ARB2A: variants seen among roughly 807,000 people sequenced by gnomAD.
ARB2A encodes ARB2 cotranscriptional regulator A, also known as cotranscriptional regulator ARB2A.
At chr5:94,080,936 C>CA in the ARB2A span, among the ~76,000 whole-genome samples, 2 of 151,082 alleles carry the variant, frequency 1.3e-5, no homozygotes, top group African/African-American at 4.9e-5. Flanking sequence ...GAATATTAAG[C>CA]AAAAAAAATT....
the ARB2A span, among the ~76,000 whole-genome samples, chr5:94,103,565 T>TAGTGGA: frequency 6.6e-6 from 1 of 151,960 alleles, no homozygotes; most frequent in South Asian, 2.1e-4. Context: ...CACACGATAA[T>TAGTGGA]AGTGGAAGAC....
At chr5:93,708,354 T>C in the ARB2A span, among the ~76,000 whole-genome samples, 1 of 152,216 alleles carries the variant, frequency 6.6e-6, no homozygotes, top group Non-Finnish European at 1.5e-5. Flanking sequence ...GTCTCATGTA[T>C]GACTTTGAGT....
chr5:93,988,072 G>A, the ARB2A span, among the ~76,000 whole-genome samples: 2 of 151,958 alleles, frequency 1.3e-5, no homozygotes, highest in South Asian at 2.1e-4. Flanking sequence ...CATTCATCAA[G>A]TCCCTCAAGC....
At chr5:94,015,817 A>T in the ARB2A span, among the ~76,000 whole-genome samples, 1 of 152,156 alleles carries the variant, frequency 6.6e-6, no homozygotes, top group Non-Finnish European at 1.5e-5. Flanking sequence ...AAAAGCAACA[A>T]ATTAAAACAC....
the ARB2A span, among the ~76,000 whole-genome samples, chr5:93,954,329 T>G: frequency 6.6e-6 from 1 of 151,802 alleles, no homozygotes; most frequent in South Asian, 2.1e-4. Context: ...GGCTCTTTAG[T>G]CAGGTGATGA....
chr5:94,069,835 G>A, the ARB2A span, among the ~76,000 whole-genome samples: 1 of 152,124 alleles, frequency 6.6e-6, no homozygotes, highest in Non-Finnish European at 1.5e-5. Context: ...ATACACTGTT[G>A]TTAAGAATGT....
At chr5:94,008,370 T>A in the ARB2A span, among the ~76,000 whole-genome samples, 1 of 152,222 alleles carries the variant, frequency 6.6e-6, no homozygotes, top group African/African-American at 2.4e-5. Context: ...AATATGCATA[T>A]CAATCATCTG....
the ARB2A span, among the ~76,000 whole-genome samples, chr5:94,083,596 T>C: frequency 2.6e-5 from 4 of 152,212 alleles, no homozygotes; most frequent in South Asian, 6.2e-4. Context: ...TGATGAAATA[T>C]TTGTAAAAGT....
the ARB2A span, among the ~76,000 whole-genome samples, chr5:93,641,898 A>T: frequency 6.6e-6 from 1 of 152,360 alleles, no homozygotes; most frequent in East Asian, 1.9e-4. Context: ...AATGAAGTAG[A>T]GAAAGGTGGA....
chr5:93,645,207 T>A, the ARB2A span, among the ~76,000 whole-genome samples: 2 of 152,150 alleles, frequency 1.3e-5, no homozygotes, highest in South Asian at 4.1e-4. Context: ...GAAAAAACAA[T>A]TACAGGATGA....
chr5:93,653,886 A>G, the ARB2A span, among the ~76,000 whole-genome samples: 1 of 152,250 alleles, frequency 6.6e-6, no homozygotes, highest in Non-Finnish European at 1.5e-5. Context: ...AGAATTGGCA[A>G]GTGCCAGTGA....
the ARB2A span, among the ~76,000 whole-genome samples, chr5:93,707,357 A>G: frequency 6.6e-6 from 1 of 152,196 alleles, no homozygotes; most frequent in Non-Finnish European, 1.5e-5. Flanking sequence ...GTCTGAAATG[A>G]AGTAAGTTTA....
the ARB2A span, among the ~76,000 whole-genome samples, chr5:94,101,290 A>G: frequency 6.6e-6 from 1 of 152,328 alleles, no homozygotes; most frequent in East Asian, 1.9e-4. Context: ...ATTATTAAAA[A>G]GTCAAAAAAT....
the ARB2A span, among the ~76,000 whole-genome samples, chr5:93,684,804 C>T: frequency 6.6e-6 from 1 of 152,122 alleles, no homozygotes; most frequent in African/African-American, 2.4e-5. Context: ...GCAACCAAGT[C>T]ACATAGGTAA....
chr5:93,774,987 T>C, the ARB2A span, among the ~76,000 whole-genome samples: 13 of 152,112 alleles, frequency 8.5e-5, no homozygotes, highest in Non-Finnish European at 1.2e-4. Flanking sequence ...TGAAAATCAA[T>C]TGTATAATAT....
chr5:94,040,722 C>G, the ARB2A span, among the ~76,000 whole-genome samples: 1 of 152,148 alleles, frequency 6.6e-6, no homozygotes, highest in Non-Finnish European at 1.5e-5. Context: ...GCTTTTATCT[C>G]TCTCCATTCC....
At chr5:93,627,601 C>T in the ARB2A span, among the ~76,000 whole-genome samples, 26 of 152,094 alleles carry the variant, frequency 1.7e-4, no homozygotes, top group East Asian at 9.7e-4. Context: ...CGCACCACCA[C>T]GCCCAGCTAA....
the ARB2A span, among the ~76,000 whole-genome samples, chr5:93,694,840 T>A: frequency 6.6e-6 from 1 of 151,928 alleles, no homozygotes; most frequent in Non-Finnish European, 1.5e-5. Context: ...CCAAAACAGA[T>A]ATATTGACCA....
At chr5:93,767,876 C>T in the ARB2A span, among the ~76,000 whole-genome samples, 2 of 151,124 alleles carry the variant, frequency 1.3e-5, no homozygotes, top group African/African-American at 4.9e-5. Context: ...CACCTGTAGT[C>T]CCAGCTACTC....
Sources: gnomAD v4.1 joint callset for allele counts (sites outside exome capture counted in the v4.1 genomes callset) on GRCh38, gnomAD v4.1.1 for gene constraint, MANE v1.5 for transcripts, NCBI Gene and HGNC (gene_info 2026-07-23, HGNC 2026-07-21) for gene names.